KIF5B: variants seen among roughly 807,000 people sequenced by gnomAD.
KIF5B encodes the protein kinesin family member 5B.
In KIF5B, 49 loss-of-function variants were observed where a neutral mutation model predicts 132.8. The observed-to-expected ratio is 0.37, with a 90% confidence interval of 0.29 to 0.47. The LOEUF is 0.47. Ranked by LOEUF, KIF5B falls within the 20% of genes least tolerant of loss-of-function variation. The probability of loss-of-function intolerance (pLI) is 1.00; values close to 1 mark genes in which losing one functional copy is unlikely to be tolerated. For synonymous variants in KIF5B, 355 were observed against 369.4 expected (o/e 0.96, Z 0.45); for missense variants, 780 against 1,144.0 (o/e 0.68, Z 4.59).
In KIF5B at chr10:32,019,919, C is replaced by T; in HGVS notation, c.2245G>A (p.Val749Ile). The change falls in exon 20 of 26, where the codon GTA becomes ATA. Residue 749 changes from valine (V) to isoleucine (I), a missense_variant. Physicochemically the swap from Val to Ile is conservative, Grantham distance 29 (BLOSUM62 3). Transcript: ENST00000302418. Reference protein sequence around the residue: ...KMMLEQERLRVEHEKLKATDQ... With the variant: ...KMMLEQERLRIEHEKLKATDQ... ...GTGGCTTTCAACTTCTCATGTTCTA[C>T]TCTTAGACGTTCCTGCTCTAACATC... 1.9e-6 allele frequency: 3 copies of T among 1,612,452 alleles called. No individual in the cohort carries two copies. The highest frequency in any genetic ancestry group is 2.5e-6 in the Non-Finnish European group (3 of 1,179,540).
At position 32,009,370 on chromosome 10, in the gene KIF5B, A is replaced by G. The variant is rs2132568194; in HGVS notation, c.*2167T>C. The stretch of plus-strand genomic sequence containing the variant: ...CAGTCAAAAAGACACTGCAAATTGA[A>G]ATGTGTCAATATCCTAGATGATCAG... On this transcript the variant is annotated 3_prime_UTR_variant, in exon 26 of 26. Transcript: ENST00000302418. 1 of 152,342 alleles carries G rather than the reference A, an allele frequency of 6.6e-6. No homozygotes were observed. Among genetic ancestry groups the G allele is most frequent in the South Asian group, 2.1e-4 (1 of 4,830 alleles). The allele number at this position is 152,342 out of a possible 1,614,324, so 9.4% of individuals were successfully genotyped here.
At chr10:32,038,268 C>T (rs372281028) in intron 5 of KIF5B, 50 bp from the exon 6 acceptor site, 6 of 1,263,616 alleles carry the variant, frequency 4.7e-6, no homozygotes, top group African/African-American at 1.5e-5. Context: ...ACTCTTAACA[C>T]TGGATATGAA....
intron 23 of KIF5B, 106 bp from the exon 24 acceptor site, chr10:32,017,465 T>C: frequency 2.4e-6 from 2 of 821,538 alleles, no homozygotes; most frequent in Non-Finnish European, 1.9e-6. Context: ...GCATTTTATA[T>C]TGTTTCCCAT....
chr10:32,039,583 T>C, intron 3 of KIF5B, 152 bp from the exon 4 acceptor site: 1 of 553,318 alleles, frequency 1.8e-6, no homozygotes, highest in Non-Finnish European at 3.2e-6. Context: ...CCAATTCAAC[T>C]ATTACACATA....
chr10:32,037,241 A>G lies in KIF5B; in HGVS notation c.711+13T>C, dbSNP rs764939985. 7 of 1,606,820 alleles carry G rather than the reference A, an allele frequency of 4.4e-6. No individual in the cohort carries two copies. The highest frequency in any genetic ancestry group is 2.2e-5 in the South Asian group (2 of 89,372). The stretch of plus-strand genomic sequence containing the variant: ...GATGCTTAAATATTTGTCAAAATAC[A>G]TGAAGACTTTACCTTTTCACTACCA... On this transcript the variant is annotated intron_variant, in intron 8 of 25. Transcript: ENST00000302418.
At chr10:32,029,369 T>C (rs973514943) in intron 14 of KIF5B, among the ~76,000 whole-genome samples, 4 of 152,228 alleles carry the variant, frequency 2.6e-5, no homozygotes, top group African/African-American at 4.8e-5. Context: ...TCTGAAACGC[T>C]TGGGGCTTCT....
Position 32,037,599 on chromosome 10 carries a change from T to C in KIF5B, c.507A>G (p.Thr169=). 3 of 1,605,826 alleles carry C rather than the reference T, an allele frequency of 1.9e-6. No homozygotes were observed. Among genetic ancestry groups the C allele is most frequent in the Non-Finnish European group, 2.6e-6 (3 of 1,172,908 alleles). The part of the protein sequence containing the change: ...KNRVPYVKGC[T]ERFVCSPDEV... ...CATCTGGACTACATACAAAACGCTC[T>C]GTGCACCCCTGTGAAATAATTTTTA... The change falls in exon 7 of 26, where the codon ACA becomes ACG. Residue 169 remains threonine (T), a synonymous_variant. Transcript: ENST00000302418.
Position 32,021,014 on chromosome 10 carries a change from A to G in KIF5B, c.2204+8T>C. The stretch of plus-strand genomic sequence containing the variant: ...CTTTCCTCCTAACTAGAGAAGTATA[A>G]TACTTACTCTTGAAGATCAGTAATA... On this transcript the variant is annotated splice_region_variant and intron_variant, in intron 19 of 25. Transcript: ENST00000302418. 3 of 1,472,694 alleles carry G rather than the reference A, an allele frequency of 2.0e-6. No homozygotes were observed. The highest frequency in any genetic ancestry group is 2.9e-6 in the Non-Finnish European group (3 of 1,052,182). 91.2% of individuals were successfully genotyped at this position (1,472,694 alleles called of 1,614,324 possible).
chr10:32,015,558 C>A lies in KIF5B; in HGVS notation c.2863G>T (p.Val955Leu). The A allele has an allele frequency of 2.5e-6, 4 of 1,613,196 alleles. No homozygotes were observed. Among genetic ancestry groups the A allele is most frequent in the Non-Finnish European group, 3.4e-6 (4 of 1,179,534 alleles). Residue 955 changes from valine to leucine, a missense_variant, in exon 25 of 26, where the codon GTG becomes TTG. This residue lies in a region of KIF5B where 90 missense variants were observed against 101.8 expected (regional missense o/e 0.88). Coordinates refer to ENST00000302418, the MANE Select transcript of KIF5B (RefSeq NM_004521.3). ...AFVQNSQPVA[V>L]RGGGGKQV ...ACTTGTTTGCCTCCTCCACCTCGCA[C>A]TGCCACTGGCTGGCTGTTCTGAACA...
chr10:32,013,743 AT>A (rs1256735821), intron 25 of KIF5B, among the ~76,000 whole-genome samples: 1 of 152,208 alleles, frequency 6.6e-6, no homozygotes, highest in Non-Finnish European at 1.5e-5. Flanking sequence ...TAAATCCATA[AT>A]TTTTATGAAG....
intron 15 of KIF5B, among the ~76,000 whole-genome samples, chr10:32,023,794 C>T (rs1841296042): frequency 6.6e-6 from 1 of 152,118 alleles, no homozygotes; most frequent in African/African-American, 2.4e-5. Flanking sequence ...TTCAACTGGA[C>T]ATCCAGATGT....
At chr10:32,049,724 G>T (rs1841663533) in intron 1 of KIF5B, among the ~76,000 whole-genome samples, 1 of 145,086 alleles carries the variant, frequency 6.9e-6, no homozygotes, top group Non-Finnish European at 1.5e-5. Context: ...GGAGCCAGGG[G>T]TATTGAACAA....
chr10:32,028,921 T>C lies in KIF5B; in HGVS notation c.1582-350A>G, dbSNP rs371985317. Among the ~76,000 whole-genome samples, 31 of 152,354 alleles carry C rather than the reference T, an allele frequency of 2.0e-4. No homozygotes were observed. The East Asian group carries it at 5.0e-3, about 25-fold the overall frequency. The stretch of plus-strand genomic sequence containing the variant: ...TTATTACTATATTATGTCTTATCTT[T>C]AGAAAGTGAGTCAGCAAATTAACGT... On this transcript the variant is annotated intron_variant, in intron 14 of 25. Transcript: ENST00000302418.
intron 16 of KIF5B, 47 bp from the exon 17 acceptor site, chr10:32,022,304 A>G (rs1206369818): frequency 1.2e-6 from 1 of 865,232 alleles, no homozygotes; most frequent in Middle Eastern, 2.2e-4. Flanking sequence ...ATATGCATAC[A>G]CTTTAAGAAT....
At chr10:32,013,741 T>C (rs1841116915) in intron 25 of KIF5B, among the ~76,000 whole-genome samples, 1 of 152,326 alleles carries the variant, frequency 6.6e-6, no homozygotes, top group African/African-American at 2.4e-5. Flanking sequence ...AATAAATCCA[T>C]AATTTTTATG....
At chr10:32,038,294 T>C in intron 5 of KIF5B, 76 bp from the exon 6 acceptor site, 1 of 1,000,458 alleles carries the variant, frequency 1.0e-6, no homozygotes, top group Non-Finnish European at 1.6e-6. Flanking sequence ...TGATAGGCTT[T>C]CCTGAGCAGC....
At chr10:32,021,572 C>T (rs1406635161) in intron 17 of KIF5B, among the ~76,000 whole-genome samples, 1 of 139,278 alleles carries the variant, frequency 7.2e-6, no homozygotes, top group Admixed American at 7.4e-5. Context: ...GAGATAACTC[C>T]TAAGTCCCCT....
chr10:32,021,693 A>G (rs1376971714), intron 17 of KIF5B, among the ~76,000 whole-genome samples: 1 of 152,058 alleles, frequency 6.6e-6, no homozygotes, highest in Admixed American at 6.6e-5. Flanking sequence ...ATATGTTTTG[A>G]CAGGCACAGT....
In KIF5B at chr10:32,040,676, C is replaced by T. The variant is rs144443216; in HGVS notation, c.215-219G>A. Among the ~76,000 whole-genome samples the T allele has an allele frequency of 7.7e-3, 1,152 of 149,100 alleles. 8 individuals are homozygous for T. The highest frequency in any genetic ancestry group is 0.012 in the Non-Finnish European group (814 of 66,680). ...ACACACACCCTCTTCCTAACCCTTG[C>T]ATACTAAATTCTGTATAATAAAATA... On this transcript the variant is annotated intron_variant, in intron 2 of 25. Coordinates refer to ENST00000302418, the MANE Select transcript of KIF5B (RefSeq NM_004521.3).
Sources: gnomAD v4.1 joint callset for allele counts (sites outside exome capture counted in the v4.1 genomes callset) on GRCh38, gnomAD v4.1.1 for gene constraint, gnomAD v4.1.1 regional missense constraint, MANE v1.5 for transcripts, NCBI Gene and HGNC (gene_info 2026-07-23, HGNC 2026-07-21) for gene names.